UNC13C: variants seen among roughly 807,000 people sequenced by gnomAD.
UNC13C encodes protein unc-13 homolog C.
UNC13C carries 174 observed loss-of-function variants against 245.4 expected under a neutral mutation model. That is an observed-to-expected ratio of 0.71 (90% confidence interval 0.63 to 0.80). The LOEUF (loss-of-function observed/expected upper bound fraction) is 0.80. UNC13C is among the 30% of genes least tolerant of loss of function. UNC13C has a pLI of 0.00. For synonymous variants in UNC13C, 992 were observed against 895.1 expected (o/e 1.11, Z -1.93); for missense variants, 2,829 against 2,602.9 (o/e 1.09, Z -1.89).
chr15:54,516,641 A>T lies in UNC13C; in HGVS notation c.5457+4811A>T, dbSNP rs141790597. Among the ~76,000 whole-genome samples the T allele has an allele frequency of 9.3e-3, 1,420 of 152,160 alleles. 25 individuals are homozygous for T. Among genetic ancestry groups the T allele is most frequent in the African/African-American group, 0.033 (1,375 of 41,490 alleles). ...TGGCAAAATCCTGTTTCTACTAAAA[A>T]TACCAAAAATTAGCCAGGCATGGTG... On this transcript the variant is annotated intron_variant, in intron 24 of 32. Transcript: ENST00000260323.
At chr15:54,226,898 G>A (rs1377804416) in intron 4 of UNC13C, among the ~76,000 whole-genome samples, 2 of 152,104 alleles carry the variant, frequency 1.3e-5, no homozygotes, top group Non-Finnish European at 2.9e-5. Flanking sequence ...CCTGGCTCAG[G>A]GAGTCCCCAG....
intron 28 of UNC13C, among the ~76,000 whole-genome samples, chr15:54,555,113 C>G (rs1897034695): frequency 6.6e-6 from 1 of 151,926 alleles, no homozygotes; most frequent in African/African-American, 2.4e-5. Flanking sequence ...CAGACATAAA[C>G]CAAGGAAGTC....
chr15:54,514,356 T>C (rs111441865), intron 24 of UNC13C, among the ~76,000 whole-genome samples: 4 of 152,358 alleles, frequency 2.6e-5, no homozygotes, highest in African/African-American at 9.6e-5. Context: ...GTGGAACTGG[T>C]TGTAAAACCT....
intron 1 of UNC13C, among the ~76,000 whole-genome samples, chr15:53,997,595 C>G (rs910304173): frequency 1.9e-4 from 29 of 151,980 alleles, no homozygotes; most frequent in African/African-American, 7.0e-4. Context: ...TAAAATTGTT[C>G]CAGGATCATT....
chr15:54,148,154 G>A (rs563855885), intron 4 of UNC13C, among the ~76,000 whole-genome samples: 95 of 152,202 alleles, frequency 6.2e-4, no homozygotes, highest in African/African-American at 2.1e-3. Context: ...GAAGGAAAGG[G>A]CACTGAGATA....
At chr15:54,572,337 G>GA (rs897352278) in intron 30 of UNC13C, among the ~76,000 whole-genome samples, 21 of 150,984 alleles carry the variant, frequency 1.4e-4, no homozygotes, top group Non-Finnish European at 2.7e-4. Flanking sequence ...TATTATCTGG[G>GA]AAAAAAATTT....
At chr15:54,453,002 C>T (rs574916155) in intron 19 of UNC13C, among the ~76,000 whole-genome samples, 6 of 152,280 alleles carry the variant, frequency 3.9e-5, no homozygotes, top group African/African-American at 1.4e-4. Context: ...GGGCCCAGGA[C>T]AGGATGCATT....
At chr15:54,272,151 C>T (rs1268594942) in intron 10 of UNC13C, among the ~76,000 whole-genome samples, 1 of 152,140 alleles carries the variant, frequency 6.6e-6, no homozygotes, top group African/African-American at 2.4e-5. Context: ...CAGACAGTAA[C>T]ACTAAACTCA....
chr15:54,095,868 G>A (rs1312746690), intron 2 of UNC13C, among the ~76,000 whole-genome samples: 1 of 152,170 alleles, frequency 6.6e-6, no homozygotes, highest in Non-Finnish European at 1.5e-5. Context: ...GGATTTTAGA[G>A]GGGAAAGATT....
chr15:54,450,158 C>T (rs796736074), intron 19 of UNC13C, among the ~76,000 whole-genome samples: 13 of 152,258 alleles, frequency 8.5e-5, no homozygotes, highest in African/African-American at 2.2e-4. Flanking sequence ...TACCCAGCCA[C>T]GATGAGGTGT....
rs1567061426 is a variant in UNC13C at position 54,165,835 on chromosome 15, T to C, written c.3071+22151T>C. On this transcript the variant is annotated intron_variant, in intron 4 of 32. Transcript: ENST00000260323. The stretch of plus-strand genomic sequence containing the variant: ...TTCCCTCTCTCTTTTTCTGTTTTCC[T>C]TTTTTTCTCCCTCCCTCCCTCTCTT... Among the ~76,000 whole-genome samples the C allele has an allele frequency of 3.9e-5, 6 of 152,094 alleles. No homozygotes were observed. In the South Asian group the frequency reaches 1.2e-3, roughly 32 times the overall value.
intron 4 of UNC13C, among the ~76,000 whole-genome samples, chr15:54,216,681 T>C (rs1249034274): frequency 6.6e-6 from 1 of 152,102 alleles, no homozygotes; most frequent in East Asian, 1.9e-4. Context: ...AACATGCCAC[T>C]TAGTTCAGTA....
At chr15:54,038,124 A>ATATATTTTTTTTTTTTTTTTT in intron 2 of UNC13C, among the ~76,000 whole-genome samples, 1 of 45,032 alleles carries the variant, frequency 2.2e-5, no homozygotes, top group African/African-American at 1.1e-4. Flanking sequence ...ATATATATAT[A>ATATATTTTTTTTTTTTTTTTT]TTTTTTTTTT....
chr15:54,032,762 C>G (rs74378848), intron 2 of UNC13C, among the ~76,000 whole-genome samples: 4 of 152,020 alleles, frequency 2.6e-5, no homozygotes, highest in African/African-American at 9.7e-5. Flanking sequence ...CTCATGTGGT[C>G]CCCCATAGAA....
At chr15:54,038,124 A>ATATATATATATATATTTTTTTTT in intron 2 of UNC13C, among the ~76,000 whole-genome samples, 1 of 45,034 alleles carries the variant, frequency 2.2e-5, no homozygotes, top group Admixed American at 5.0e-4. Flanking sequence ...ATATATATAT[A>ATATATATATATATATTTTTTTTT]TTTTTTTTTT....
At chr15:53,969,206 A>G in the UNC13C span, among the ~76,000 whole-genome samples, 5 of 152,160 alleles carry the variant, frequency 3.3e-5, no homozygotes, top group African/African-American at 1.2e-4. Flanking sequence ...ATAACTGACT[A>G]TTGAAAATAT....
intron 19 of UNC13C, among the ~76,000 whole-genome samples, chr15:54,440,878 T>C (rs1310055527): frequency 6.6e-6 from 1 of 152,110 alleles, no homozygotes; most frequent in African/African-American, 2.4e-5. Flanking sequence ...GATATCTCAT[T>C]GTGGTTTTGA....
the UNC13C span, among the ~76,000 whole-genome samples, chr15:53,923,323 A>G: frequency 1.3e-5 from 2 of 152,252 alleles, no homozygotes; most frequent in Admixed American, 6.5e-5. Context: ...CATATAATAG[A>G]TGCCCAATAA....
At chr15:53,924,381 G>A in the UNC13C span, among the ~76,000 whole-genome samples, 1 of 152,154 alleles carries the variant, frequency 6.6e-6, no homozygotes, top group African/African-American at 2.4e-5. Context: ...AGGGAGGAAT[G>A]ATGCTTTCCC....
Sources: allele counts gnomAD v4.1 joint callset (sites outside exome capture counted in the v4.1 genomes callset), GRCh38; gene constraint gnomAD v4.1.1; transcripts MANE v1.5; gene names NCBI Gene and HGNC (gene_info 2026-07-23, HGNC 2026-07-21).